Variants in IGF1R observed in about 807,000 individuals in gnomAD.
The protein encoded by IGF1R is insulin-like growth factor 1 receptor.
In IGF1R, 44 loss-of-function variants were observed where a neutral mutation model predicts 144.6. The observed-to-expected ratio is 0.30, with a 90% confidence interval of 0.24 to 0.39. IGF1R has a LOEUF of 0.39. Ranked by LOEUF, IGF1R falls within the 10% of genes least tolerant of loss-of-function variation. The pLI is 1.00. For synonymous variants in IGF1R, 795 were observed against 722.8 expected, an observed-to-expected ratio of 1.10 and a Z score of -1.60; for missense variants, 1,355 against 1,833.7, an observed-to-expected ratio of 0.74 and a Z score of 4.77.
At chr15:98,780,996 A>G (rs543352202) in intron 2 of IGF1R, among the ~76,000 whole-genome samples, 16 of 152,202 alleles carry the variant, frequency 1.1e-4, no homozygotes, top group East Asian at 5.8e-4. Flanking sequence ...GTGGCATACA[A>G]TTGTCATGTC....
At chr15:98,713,214 CTT>C in intron 2 of IGF1R, among the ~76,000 whole-genome samples, 1 of 152,244 alleles carries the variant, frequency 6.6e-6, no homozygotes, top group East Asian at 1.9e-4. Flanking sequence ...TGATGGGACA[CTT>C]TTTGCCCCAC....
intron 7 of IGF1R, 55 bp downstream of exon 7, chr15:98,911,496 G>A (rs759673359): frequency 1.1e-5 from 17 of 1,611,982 alleles, no homozygotes; most frequent in Non-Finnish European, 1.4e-5. Flanking sequence ...GAATGGGAGA[G>A]GCCAGTCTTT....
chr15:98,849,230 A>G (rs947126026), intron 2 of IGF1R, among the ~76,000 whole-genome samples: 2 of 152,262 alleles, frequency 1.3e-5, no homozygotes, highest in African/African-American at 4.8e-5. Flanking sequence ...CCAAATGTAG[A>G]TGCAAGTACC....
chr15:98,838,285 T>C lies in IGF1R; in HGVS notation c.641-53040T>C, dbSNP rs371982459. Reference sequence around the variant, plus strand: ...TTCAGCAGGGATGGTGGCCAAACTATGTTTAGAAAGATAAAAATTAAAATG... The same window carrying C: ...TTCAGCAGGGATGGTGGCCAAACTACGTTTAGAAAGATAAAAATTAAAATG... On this transcript the variant is annotated intron_variant, in intron 2 of 20. Transcript: ENST00000650285. Among the ~76,000 whole-genome samples, 3 of 152,326 alleles carry C rather than the reference T, an allele frequency of 2.0e-5. No individual in the cohort carries two copies. In the East Asian group the frequency reaches 5.8e-4, roughly 29 times the overall value.
At chr15:98,786,714 AT>A (rs796405855) in intron 2 of IGF1R, among the ~76,000 whole-genome samples, 1 of 151,506 alleles carries the variant, frequency 6.6e-6, no homozygotes, top group Non-Finnish European at 1.5e-5. Context: ...CACTCATAGG[AT>A]TTTTTTTTAG....
Position 98,930,304 on chromosome 15 carries a change from T to A in IGF1R, c.2955T>A (p.Asp985Glu). ...SVNPEYFSAA[D>E]VYVPDEWEVA... ...ACCCGGAGTACTTCAGCGCTGCTGA[T>A]GGTAAGAGTCCGGGCCACCAGCACT... The change falls in exon 15 of 21, where the codon GAT becomes GAA. Residue 985 changes from aspartate to glutamate, a missense_variant and splice_region_variant. Asp to Glu is a conservative substitution (Grantham distance 45). Coordinates refer to ENST00000650285, the MANE Select transcript of IGF1R (RefSeq NM_000875.5). The A allele has an allele frequency of 1.9e-6, 3 of 1,609,390 alleles. No homozygotes were observed. In the South Asian group the frequency reaches 3.3e-5, roughly 18 times the overall value.
At chr15:98,693,828 A>G (rs1336412349) in intron 1 of IGF1R, among the ~76,000 whole-genome samples, 2 of 151,954 alleles carry the variant, frequency 1.3e-5, no homozygotes, top group African/African-American at 2.4e-5. Flanking sequence ...CTGGTCTCGA[A>G]CTCCTGGCCT....
intron 2 of IGF1R, among the ~76,000 whole-genome samples, chr15:98,713,710 T>C (rs1033434479): frequency 1.5e-4 from 23 of 152,214 alleles, no homozygotes; most frequent in African/African-American, 5.5e-4. Flanking sequence ...TAAGTGCCTG[T>C]TGTTTGCTTG....
intron 2 of IGF1R, among the ~76,000 whole-genome samples, chr15:98,728,576 G>A (rs565953714): frequency 2.6e-5 from 4 of 152,368 alleles, no homozygotes; most frequent in Middle Eastern, 3.4e-3. Flanking sequence ...AGCAGCAGAC[G>A]TTCAAGAGGC....
At chr15:98,823,108 A>T (rs1183939536) in intron 2 of IGF1R, among the ~76,000 whole-genome samples, 1 of 152,174 alleles carries the variant, frequency 6.6e-6, no homozygotes, top group Admixed American at 6.5e-5. Context: ...TGTGGTGTTG[A>T]TTGAAACCTT....
chr15:98,665,814 C>T (rs182088914), intron 1 of IGF1R, among the ~76,000 whole-genome samples: 3 of 152,242 alleles, frequency 2.0e-5, no homozygotes, highest in South Asian at 2.1e-4. Context: ...CAGGATGGTG[C>T]GAGAAGGAGC....
chr15:98,796,574 G>A (rs1359612092), intron 2 of IGF1R, among the ~76,000 whole-genome samples: 1 of 152,194 alleles, frequency 6.6e-6, no homozygotes, highest in African/African-American at 2.4e-5. Context: ...GACCTCTCTG[G>A]TGTCTCTGCA....
intron 2 of IGF1R, among the ~76,000 whole-genome samples, chr15:98,718,999 C>G (rs2054185628): frequency 6.6e-6 from 1 of 152,160 alleles, no homozygotes; most frequent in Non-Finnish European, 1.5e-5. Context: ...TCTGAATGGC[C>G]CCTTCTGCTT....
At position 98,704,310 on chromosome 15, in the gene IGF1R, C is replaced by T. The variant is rs1050414486; in HGVS notation, c.95-3252C>T. Among the ~76,000 whole-genome samples the T allele has an allele frequency of 1.6e-4, 24 of 152,012 alleles. No individual in the cohort carries two copies. The highest frequency in any genetic ancestry group is 2.6e-4 in the Non-Finnish European group (18 of 68,004). ...AATAGTTGAAGCTAAGGTGTTTAGG[C>T]AGAGCTCTGAGGAGGTGACGTTTGA... On this transcript the variant is annotated intron_variant, in intron 1 of 20. Coordinates refer to ENST00000650285, the MANE Select transcript of IGF1R (RefSeq NM_000875.5). The surrounding 1 kb of genome is among the most constrained non-coding windows in gnomAD (Gnocchi z 4.9).
At position 98,649,256 on chromosome 15, in the gene IGF1R, C is replaced by T. The variant is rs1158951870; in HGVS notation, c.-326C>T. 2 of 216,102 alleles carry T rather than the reference C, an allele frequency of 9.3e-6. No homozygotes were observed. The highest frequency in any genetic ancestry group is 4.5e-5 in the African/African-American group (2 of 44,170). The allele number at this position is 216,102 out of a possible 1,614,324, so 13.4% of individuals were successfully genotyped here. On this transcript the variant is annotated 5_prime_UTR_variant, in exon 1 of 21. Transcript: ENST00000650285. The stretch of plus-strand genomic sequence containing the variant: ...TTGCCCCCTTTCTTTGCAGTTTTCC[C>T]CCCTTCCTGCCTCTCCGGGTTTGAA...
chr15:98,741,326 CTT>C (rs2054738633), intron 2 of IGF1R, among the ~76,000 whole-genome samples: 1 of 133,598 alleles, frequency 7.5e-6, no homozygotes, highest in African/African-American at 2.8e-5. Flanking sequence ...CTTCCAGAAA[CTT>C]TTAGATGCTA....
intron 20 of IGF1R, among the ~76,000 whole-genome samples, chr15:98,952,224 C>T (rs1057364615): frequency 1.1e-4 from 16 of 151,754 alleles, no homozygotes; most frequent in Admixed American, 3.3e-4. Flanking sequence ...GAGTCAATCA[C>T]GTGGGGATGT....
chr15:98,955,086 T>A (rs1432077453), intron 20 of IGF1R, among the ~76,000 whole-genome samples: 1 of 152,236 alleles, frequency 6.6e-6, no homozygotes, highest in Non-Finnish European at 1.5e-5. Context: ...AGTATCTTAG[T>A]GCTTCTGTTC....
intron 8 of IGF1R, among the ~76,000 whole-genome samples, chr15:98,915,481 C>G (rs563264528): frequency 3.5e-4 from 54 of 152,344 alleles, no homozygotes; most frequent in African/African-American, 1.3e-3. Flanking sequence ...CACACACAGA[C>G]TCTCCAGGCC....
Sources: allele counts gnomAD v4.1 joint callset (sites outside exome capture counted in the v4.1 genomes callset), GRCh38; gene constraint gnomAD v4.1.1; non-coding constraint Gnocchi (gnomAD v3.1); transcripts MANE v1.5; gene names NCBI Gene and HGNC (gene_info 2026-07-23, HGNC 2026-07-21).